Variants in DMD observed in about 807,000 individuals in gnomAD.
DMD encodes mutant dystrophin.
A neutral mutation model predicts 330.1 loss-of-function variants in DMD; 63 were observed. That is an observed-to-expected ratio of 0.19 (90% CI 0.16 to 0.24). The LOEUF (loss-of-function observed/expected upper bound fraction) is 0.24, where lower values mean the gene tolerates loss of function less well. Among genes scored for constraint, DMD ranks in the 10% least tolerant of loss-of-function variants. The probability of loss-of-function intolerance (pLI) is 1.00; values close to 1 mark genes in which losing one functional copy is unlikely to be tolerated. For missense variants in DMD, 3,344 were observed against 2,684.1 expected (o/e 1.25, Z -5.43); for synonymous variants, 1,223 against 959.8 (o/e 1.27, Z -5.07).
intron 44 of DMD, among the ~76,000 whole-genome samples, chrX:32,205,344 T>A (rs1448884313): frequency 6.5e-5 from 7 of 107,215 alleles, no homozygotes; most frequent in Non-Finnish European, 1.3e-4. Flanking sequence ...ATACCACAAG[T>A]TTTTCTGACA....
At chrX:31,972,153 T>G (rs2150207994) in intron 44 of DMD, among the ~76,000 whole-genome samples, 1 of 110,885 alleles carries the variant, frequency 9.0e-6, no homozygotes, top group East Asian at 2.9e-4. Context: ...GTGCAGAGAG[T>G]TGGGAAGCAG....
intron 9 of DMD, among the ~76,000 whole-genome samples, chrX:32,646,914 T>A (rs1247305696): frequency 9.0e-6 from 1 of 111,213 alleles, no homozygotes; most frequent in Non-Finnish European, 1.9e-5. Flanking sequence ...AAAGGGCTAT[T>A]TGCATGGAAC....
chrX:32,775,391 G>C (rs2074038355), intron 7 of DMD, among the ~76,000 whole-genome samples: 1 of 112,801 alleles, frequency 8.9e-6, no homozygotes, highest in Non-Finnish European at 1.9e-5. Flanking sequence ...TGCCCTAGTA[G>C]AGGTTCTCCA....
chrX:33,237,940 T>G (rs1311217817), intron 1 of DMD, among the ~76,000 whole-genome samples: 4 of 112,374 alleles, frequency 3.6e-5, no homozygotes, highest in Non-Finnish European at 7.5e-5. Context: ...TCTTTTAAAC[T>G]AAACATAATA....
chrX:32,542,773 T>A (rs1437929822), intron 17 of DMD, among the ~76,000 whole-genome samples: 3 of 112,259 alleles, frequency 2.7e-5, no homozygotes, highest in Admixed American at 9.4e-5. Flanking sequence ...TGTTCCTAAA[T>A]GTTTGCCTTT....
intron 1 of DMD, among the ~76,000 whole-genome samples, chrX:33,246,795 C>G (rs1199814429): frequency 9.0e-6 from 1 of 110,583 alleles, no homozygotes; most frequent in African/African-American, 3.3e-5. Context: ...AAGAGACTCT[C>G]CTGCCTCAGC....
intron 7 of DMD, among the ~76,000 whole-genome samples, chrX:32,742,617 G>A (rs1160045594): frequency 9.0e-6 from 1 of 111,619 alleles, no homozygotes; most frequent in Non-Finnish European, 1.9e-5. Flanking sequence ...GTTTAGAGGA[G>A]AGTAAATGGG....
intron 1 of DMD, among the ~76,000 whole-genome samples, chrX:33,047,750 C>T (rs1354449324): frequency 9.0e-6 from 1 of 111,608 alleles, no homozygotes; most frequent in Non-Finnish European, 1.9e-5. Flanking sequence ...TTAGCCAATG[C>T]AAAACTGCTT....
intron 48 of DMD, among the ~76,000 whole-genome samples, chrX:31,864,485 C>CTT (rs201374257): frequency 0.082 from 4,426 of 54,125 alleles, 284 homozygotes; most frequent in African/African-American, 0.1. Flanking sequence ...TTTTGAAGGC[C>CTT]TTTTTTTTTT....
At chrX:32,524,656 T>A (rs970682528) in intron 17 of DMD, among the ~76,000 whole-genome samples, 2 of 112,517 alleles carry the variant, frequency 1.8e-5, no homozygotes, top group African/African-American at 6.5e-5. Context: ...TTTGCTTCTC[T>A]GTCTGTGAAG....
intron 57 of DMD, among the ~76,000 whole-genome samples, chrX:31,494,483 T>G (rs1018744772): frequency 9.0e-6 from 1 of 111,551 alleles, no homozygotes; most frequent in African/African-American, 3.3e-5. Context: ...GGGCTGGAAG[T>G]CCTGTGAAAT....
chrX:31,692,554 T>G (rs1247585997), intron 52 of DMD, among the ~76,000 whole-genome samples: 1 of 111,388 alleles, frequency 9.0e-6, no homozygotes, highest in Admixed American at 9.6e-5. Flanking sequence ...CAGGCTCAAA[T>G]AAATCAAATC....
Position 32,681,292 on chromosome X carries a change from C to T in DMD, c.960+16578G>A, listed in dbSNP as rs183339511. Among the ~76,000 whole-genome samples the T allele has an allele frequency of 4.7e-3, 526 of 111,365 alleles. 11 individuals are homozygous for T. Among genetic ancestry groups the T allele is most frequent in the African/African-American group, 0.016 (497 of 30,658 alleles). The stretch of plus-strand genomic sequence containing the variant: ...GACCATTGTAGGATGCATAAACTGC[C>T]GATTCTTGGATCCCATTCATCACGC... On this transcript the variant is annotated intron_variant, in intron 9 of 78. Transcript: ENST00000357033.
chrX:31,893,833 T>TCC (rs1395491297), intron 47 of DMD, among the ~76,000 whole-genome samples: 1 of 111,360 alleles, frequency 9.0e-6, no homozygotes, highest in Non-Finnish European at 1.9e-5. Context: ...ACTTATAGAA[T>TCC]CCGAGGGCCT....
At chrX:32,693,556 C>CA (rs766782724) in intron 9 of DMD, among the ~76,000 whole-genome samples, 163 of 111,692 alleles carry the variant, frequency 1.5e-3, no homozygotes, top group African/African-American at 4.9e-3. Flanking sequence ...CCTCATGCCT[C>CA]AGCTTCCCAA....
At position 31,932,102 on chromosome X, in the gene DMD, T is replaced by C. The variant is rs916265026; in HGVS notation, c.6740A>G (p.Lys2247Arg). ...TACCTTGACTTGCTCAAGCTTTTCT[T>C]TTAGTTGCTGCTCTTTTCCAGGTTC... ...PLEPGKEQQL[K>R]EKLEQVKLLV... Residue 2247 changes from lysine (K) to arginine (R), a missense_variant, in exon 46 of 79, where the codon AAA (lysine) becomes AGA (arginine). Coordinates refer to ENST00000357033, the MANE Select transcript of DMD (RefSeq NM_004006.3). The C allele has an allele frequency of 8.3e-7, 1 of 1,209,589 alleles. No homozygotes were observed. Among genetic ancestry groups the C allele is most frequent in the African/African-American group, 1.7e-5 (1 of 57,160 alleles).
intron 50 of DMD, among the ~76,000 whole-genome samples, chrX:31,799,179 C>A (rs1056713702): frequency 2.7e-5 from 3 of 112,008 alleles, no homozygotes; most frequent in African/African-American, 9.7e-5. Context: ...TCATTCATTC[C>A]CAGGTAATGG....
chrX:32,982,630 G>A (rs1444571332), intron 2 of DMD, among the ~76,000 whole-genome samples: 1 of 111,372 alleles, frequency 9.0e-6, no homozygotes, highest in Non-Finnish European at 1.9e-5. Flanking sequence ...AGAAGACGAC[G>A]GAGTTTTGGT....
chrX:31,654,574 G>A, intron 54 of DMD, among the ~76,000 whole-genome samples: 1 of 111,928 alleles, frequency 8.9e-6, no homozygotes, highest in Middle Eastern at 4.6e-3. Flanking sequence ...ATACTACGTA[G>A]CCATAAAAAA....
Sources: gnomAD v4.1 joint callset for allele counts (sites outside exome capture counted in the v4.1 genomes callset) on GRCh38, gnomAD v4.1.1 for gene constraint, MANE v1.5 for transcripts, NCBI Gene and HGNC (gene_info 2026-07-23, HGNC 2026-07-21) for gene names.